NOTCH2NLC: variants seen among roughly 807,000 people sequenced by gnomAD.
NOTCH2NLC encodes notch homolog 2 N-terminal-like protein C.
NOTCH2NLC carries 4 observed loss-of-function variants against 17.7 expected under a neutral mutation model. That is an observed-to-expected ratio of 0.23 (90% CI 0.11 to 0.52). The LOEUF is 0.52. NOTCH2NLC is among the 20% of genes least tolerant of loss of function. The probability of loss-of-function intolerance (pLI) is 0.96; values close to 1 mark genes in which losing one functional copy is unlikely to be tolerated. For missense variants in NOTCH2NLC, 57 were observed against 207.2 expected, an observed-to-expected ratio of 0.28 and a Z score of 4.45; for synonymous variants, 18 against 86.0, an observed-to-expected ratio of 0.21 and a Z score of 4.38.
Position 149,466,277 on chromosome 1 carries a change from G to GATATA in NOTCH2NLC, c.*2124_*2125insATATA, listed in dbSNP as rs2084683314. ...GTGTGTGTGTGTGTGTGTGTGTGTG[G>GATATA]TATATATATATATATCGCATTGTGC... On this transcript the variant is annotated 3_prime_UTR_variant, in exon 5 of 5. Transcript: ENST00000650865. The GATATA allele has an allele frequency of 6.6e-4, 94 of 142,530 alleles. 5 individuals are homozygous for GATATA. Among genetic ancestry groups the GATATA allele is most frequent in the Middle Eastern group, 3.6e-3 (1 of 276 alleles). 8.8% of individuals were successfully genotyped at this position (142,530 alleles called of 1,614,324 possible).
chr1:149,465,135 CTTTTA>C lies in NOTCH2NLC; in HGVS notation c.*983_*987del, dbSNP rs2084678090. ...TTTAATTATATTACTTTTAGTTTCT[CTTTTA>C]ATAAAGAATAGATAATGCTATCATT... On this transcript the variant is annotated 3_prime_UTR_variant, in exon 5 of 5. Transcript: ENST00000650865. 8.0e-6 allele frequency: 1 copy of C among 124,404 alleles called. No homozygotes were observed. The highest frequency in any genetic ancestry group is 3.1e-5 in the African/African-American group (1 of 32,704). The allele number at this position is 124,404 out of a possible 1,614,324, so 7.7% of individuals were successfully genotyped here.
intron 1 of NOTCH2NLC, among the ~76,000 whole-genome samples, chr1:149,403,763 A>AT (rs1175114141): frequency 5.4e-5 from 2 of 37,232 alleles, no homozygotes; most frequent in African/African-American, 1.8e-4. Context: ...TATCAGCACC[A>AT]TTTTTTCCAA....
rs1173992221 is a variant in NOTCH2NLC at position 149,449,633 on chromosome 1, A to G, written c.210-5685A>G. ...AGAGACAAAGTTTGTTCTTTTCAAA[A>G]TTAAGACATAATTTATGTATCATAA... On this transcript the variant is annotated intron_variant, in intron 2 of 4. Coordinates refer to ENST00000650865, the MANE Select transcript of NOTCH2NLC (RefSeq NM_001364013.2). Among the ~76,000 whole-genome samples, 78 of 151,348 alleles carry G rather than the reference A, an allele frequency of 5.2e-4. 2 individuals are homozygous for G. In the East Asian group the frequency reaches 0.012, roughly 23 times the overall value.
intron 1 of NOTCH2NLC, among the ~76,000 whole-genome samples, chr1:149,392,899 G>A (rs1313881824): frequency 1.3e-5 from 2 of 149,936 alleles, no homozygotes; most frequent in Admixed American, 1.3e-4. Context: ...GTGAAACCCC[G>A]TCTCTACTAA....
At chr1:149,460,853 CCCTT>C (rs2084641047) in intron 3 of NOTCH2NLC, among the ~76,000 whole-genome samples, 1 of 107,512 alleles carries the variant, frequency 9.3e-6, no homozygotes, top group African/African-American at 3.4e-5. Context: ...CTTTCTTTCT[CCCTT>C]TCTTTCTTTC....
At position 149,432,485 on chromosome 1, in the gene NOTCH2NLC, C is replaced by T. The variant is rs1473994571; in HGVS notation, c.209+1470C>T. Among the ~76,000 whole-genome samples the T allele has an allele frequency of 1.3e-5, 2 of 151,076 alleles. 1 individual carries two copies. The highest frequency in any genetic ancestry group is 1.3e-4 in the Admixed American group (2 of 15,158). On this transcript the variant is annotated intron_variant, in intron 2 of 4. Transcript: ENST00000650865. ...CTGGAGGAAAAAAAAACATGTGGTGCATTCTCCTCTAAGAATGGAGATACA... is the reference window on the plus strand; with the variant it reads ...CTGGAGGAAAAAAAAACATGTGGTGTATTCTCCTCTAAGAATGGAGATACA...
At position 149,409,328 on chromosome 1, in the gene NOTCH2NLC, ATGTG is replaced by A. The variant is rs1196474216; in HGVS notation, c.135+18426_135+18429del. The stretch of plus-strand genomic sequence containing the variant: ...GATTTAACTCTGTGTGTGTGTGTGC[ATGTG>A]TGTGTGTGTGTGTGTGTGTTGGGAG... On this transcript the variant is annotated intron_variant, in intron 1 of 4. Coordinates refer to ENST00000650865, the MANE Select transcript of NOTCH2NLC (RefSeq NM_001364013.2). Among the ~76,000 whole-genome samples, 39 of 143,708 alleles carry A rather than the reference ATGTG, an allele frequency of 2.7e-4. 1 individual carries two copies. In the South Asian group the frequency reaches 6.5e-3, roughly 24 times the overall value. 94.3% of individuals were successfully genotyped at this position (143,708 alleles called of 152,430 possible). A position where few individuals can be genotyped will look rare whatever the true frequency, so the allele number is the denominator to read the frequency against.
At chr1:149,428,764 C>G (rs2101487229) in intron 1 of NOTCH2NLC, among the ~76,000 whole-genome samples, 1 of 148,724 alleles carries the variant, frequency 6.7e-6, no homozygotes, top group African/African-American at 2.5e-5. Flanking sequence ...GTTAGGGGTA[C>G]AGACAGGATT....
rs1279750127 is a variant in NOTCH2NLC, at chr1:149,424,062, C to T, written c.136-6880C>T. ...AGCATTGGAAAACCTAGGTAAATGCCTAGAGGAAATTTTAAGGAAGATTCC... is the reference window on the plus strand; with the variant it reads ...AGCATTGGAAAACCTAGGTAAATGCTTAGAGGAAATTTTAAGGAAGATTCC... On this transcript the variant is annotated intron_variant, in intron 1 of 4. Coordinates refer to ENST00000650865, the MANE Select transcript of NOTCH2NLC (RefSeq NM_001364013.2). Among the ~76,000 whole-genome samples, 84 of 151,180 alleles carry T rather than the reference C, an allele frequency of 5.6e-4. 3 individuals carry two copies. The highest frequency in any genetic ancestry group is 2.0e-3 in the African/African-American group (81 of 41,274).
At position 149,420,189 on chromosome 1, in the gene NOTCH2NLC, G is replaced by A. The variant is rs1482967357; in HGVS notation, c.136-10753G>A. The stretch of plus-strand genomic sequence containing the variant: ...CTGGCCGTTTAGGGCTATATTTTAT[G>A]TTTTCTTCTCCCTTTGGTATTTAAT... On this transcript the variant is annotated intron_variant, in intron 1 of 4. Coordinates refer to ENST00000650865, the MANE Select transcript of NOTCH2NLC (RefSeq NM_001364013.2). 2.7e-3 allele frequency among the ~76,000 whole-genome samples: 406 copies of A among 149,622 alleles called. 4 individuals are homozygous for A. The highest frequency in any genetic ancestry group is 9.6e-3 in the African/African-American group (391 of 40,832).
intron 1 of NOTCH2NLC, among the ~76,000 whole-genome samples, chr1:149,430,712 A>G (rs2084443784): frequency 6.6e-6 from 1 of 150,572 alleles, no homozygotes; most frequent in African/African-American, 2.4e-5. Flanking sequence ...ACACAGAGAA[A>G]TAAGAGCATC....
At chr1:149,416,603 G>A (rs2084336458) in intron 1 of NOTCH2NLC, among the ~76,000 whole-genome samples, 2 of 101,668 alleles carry the variant, frequency 2.0e-5, no homozygotes, top group African/African-American at 3.7e-5. Context: ...CTTATGATCT[G>A]GTTCCATCTC....
chr1:149,432,473 A>T (rs1313496102), intron 2 of NOTCH2NLC, among the ~76,000 whole-genome samples: 1 of 151,068 alleles, frequency 6.6e-6, no homozygotes, highest in Non-Finnish European at 1.5e-5. Context: ...GAGGAAAAAA[A>T]AACATGTGGT....
chr1:149,391,166 G>A (rs1462381195), intron 1 of NOTCH2NLC, among the ~76,000 whole-genome samples: 2 of 47,528 alleles, frequency 4.2e-5, no homozygotes, highest in Admixed American at 2.0e-4. Context: ...CCCGCGGCCC[G>A]GGACCCCTCA....
In NOTCH2NLC at chr1:149,424,470, T is replaced by A. The variant is rs2084400293; in HGVS notation, c.136-6472T>A. On this transcript the variant is annotated intron_variant, in intron 1 of 4. Coordinates refer to ENST00000650865, the MANE Select transcript of NOTCH2NLC (RefSeq NM_001364013.2). ...ACCATGAGGACAGAGATTGTTTGTT[T>A]TATTTGTGCTTAATTTTCATGCAGT... 4.0e-5 allele frequency among the ~76,000 whole-genome samples: 6 copies of A among 150,970 alleles called. No homozygotes were observed. The South Asian group carries it at 1.3e-3, about 32-fold the overall frequency.
intron 2 of NOTCH2NLC, among the ~76,000 whole-genome samples, chr1:149,445,020 T>TCC (rs2084541255): frequency 6.8e-6 from 1 of 147,742 alleles, no homozygotes; most frequent in African/African-American, 2.5e-5. Context: ...CAGAGCTTCT[T>TCC]CTCTTTTTTT....
chr1:149,467,481 T>C lies in NOTCH2NLC; in HGVS notation c.*3328T>C, dbSNP rs2084691794. The C allele has an allele frequency of 7.2e-6, 1 of 139,466 alleles. No homozygotes were observed. Among genetic ancestry groups the C allele is most frequent in the Non-Finnish European group, 1.5e-5 (1 of 64,562 alleles). 8.6% of individuals were successfully genotyped at this position (139,466 alleles called of 1,614,324 possible). A position where few individuals can be genotyped will look rare whatever the true frequency, so the allele number is the denominator to read the frequency against. On this transcript the variant is annotated 3_prime_UTR_variant, in exon 5 of 5. Transcript: ENST00000650865. ...TCTTCACAGAGGGAGGAGAAAAATATCTTCAAGAGAGAACTAATAGAATCA... is the reference window on the plus strand; with the variant it reads ...TCTTCACAGAGGGAGGAGAAAAATACCTTCAAGAGAGAACTAATAGAATCA...
intron 3 of NOTCH2NLC, among the ~76,000 whole-genome samples, chr1:149,460,255 A>G (rs2084634307): frequency 6.7e-6 from 1 of 149,464 alleles, no homozygotes; most frequent in Non-Finnish European, 1.5e-5. Context: ...TGCCTTCTTC[A>G]TAATTAAAAT....
rs1249346843 is a variant in NOTCH2NLC at position 149,448,719 on chromosome 1, C to T, written c.210-6599C>T. ...CAGCTCTGTGCTGCACTGGTAAGAACATGTGTTAAGCCTTTTTCCATTTTG... is the reference window on the plus strand; with the variant it reads ...CAGCTCTGTGCTGCACTGGTAAGAATATGTGTTAAGCCTTTTTCCATTTTG... On this transcript the variant is annotated intron_variant, in intron 2 of 4. Transcript: ENST00000650865. 7.3e-5 allele frequency among the ~76,000 whole-genome samples: 11 copies of T among 150,042 alleles called. 2 individuals carry two copies. The highest frequency in any genetic ancestry group is 1.6e-4 in the Non-Finnish European group (11 of 67,190).
Sources: gnomAD v4.1 joint callset for allele counts (sites outside exome capture counted in the v4.1 genomes callset) on GRCh38, gnomAD v4.1.1 for gene constraint, MANE v1.5 for transcripts, NCBI Gene and HGNC (gene_info 2026-07-23, HGNC 2026-07-21) for gene names.